MYO9A: variants seen among roughly 807,000 people sequenced by gnomAD.
MYO9A encodes the protein unconventional myosin-IXa.
In MYO9A, 103 loss-of-function variants were observed where a neutral mutation model predicts 293.3. That is an observed-to-expected ratio of 0.35 (90% CI 0.30 to 0.41). The LOEUF (loss-of-function observed/expected upper bound fraction) is 0.41, where lower values mean the gene tolerates loss of function less well. MYO9A is among the 10% of genes least tolerant of loss of function. The pLI is 1.00. For missense variants in MYO9A, 2,685 were observed against 3,033.0 expected, an observed-to-expected ratio of 0.89 and a Z score of 2.69; for synonymous variants, 1,001 against 1,035.7, an observed-to-expected ratio of 0.97 and a Z score of 0.64.
intron 25 of MYO9A, among the ~76,000 whole-genome samples, chr15:71,896,373 A>G (rs1235929930): frequency 6.6e-6 from 1 of 152,240 alleles, no homozygotes; most frequent in Non-Finnish European, 1.5e-5. Context: ...AACCAAAAGA[A>G]TCTACCAAAT....
chr15:71,956,860 AATATAT>A (rs10553052), intron 14 of MYO9A, among the ~76,000 whole-genome samples: 64 of 140,236 alleles, frequency 4.6e-4, no homozygotes, highest in East Asian at 6.1e-4. Flanking sequence ...CACACACACA[AATATAT>A]ATATATATAT....
intron 32 of MYO9A, among the ~76,000 whole-genome samples, chr15:71,872,159 C>T (rs1467290507): frequency 6.6e-6 from 1 of 151,766 alleles, no homozygotes; most frequent in Admixed American, 6.6e-5. Flanking sequence ...TGTATCAAAC[C>T]ATAATGGCAC....
At chr15:72,042,544 C>T (rs2149616308) in intron 2 of MYO9A, among the ~76,000 whole-genome samples, 1 of 152,038 alleles carries the variant, frequency 6.6e-6, no homozygotes, top group South Asian at 2.1e-4. Context: ...AAACCAACAG[C>T]TATCATTATA....
At chr15:72,107,426 G>C (rs551643536) in intron 1 of MYO9A, among the ~76,000 whole-genome samples, 1 of 152,092 alleles carries the variant, frequency 6.6e-6, no homozygotes, top group Non-Finnish European at 1.5e-5. Context: ...GCGCGCGCCT[G>C]TAATCCCAGC....
rs1235716860 is a variant in MYO9A, at chr15:71,975,805, TAC to T, written c.1844+2364_1844+2365del. Among the ~76,000 whole-genome samples, 7 of 152,296 alleles carry T rather than the reference TAC, an allele frequency of 4.6e-5. No homozygotes were observed. In the East Asian group the frequency reaches 5.8e-4, roughly 13 times the overall value. On this transcript the variant is annotated intron_variant, in intron 12 of 41. Transcript: ENST00000356056. The stretch of plus-strand genomic sequence containing the variant: ...TACTCTTTTTGTCCAATCACATTTC[TAC>T]ACAGTTGTCAGTAATGCCTATGTAA...
intron 15 of MYO9A, among the ~76,000 whole-genome samples, chr15:71,941,886 A>G (rs1241041749): frequency 1.3e-5 from 2 of 152,170 alleles, no homozygotes; most frequent in African/African-American, 4.8e-5. Context: ...ATAGTTTGTA[A>G]TGATGTTAAA....
chr15:71,979,394 A>G (rs1473747853), intron 11 of MYO9A, among the ~76,000 whole-genome samples: 1 of 152,076 alleles, frequency 6.6e-6, no homozygotes, highest in African/African-American at 2.4e-5. Context: ...TTTTATAGGC[A>G]TTACTAGAAG....
chr15:71,892,735 C>A (rs748939194), intron 26 of MYO9A: 1 of 245,656 alleles, frequency 4.1e-6, no homozygotes, highest in Non-Finnish European at 8.0e-6. Context: ...TGGAAAATTT[C>A]TACATTAGTG....
At chr15:72,040,403 T>C (rs1211173948) in intron 2 of MYO9A, 1 of 152,274 alleles carries the variant, frequency 6.6e-6, no homozygotes, top group Non-Finnish European at 1.5e-5. Context: ...TCTATGCCAT[T>C]TGCAGGGGGG....
chr15:71,955,128 CCTT>C (rs2059148569), intron 14 of MYO9A, among the ~76,000 whole-genome samples: 1 of 151,366 alleles, frequency 6.6e-6, no homozygotes, highest in Non-Finnish European at 1.5e-5. Context: ...CAATTTATTA[CCTT>C]TTTTTTTTTT....
At chr15:71,876,612 A>AT (rs1362816805) in intron 31 of MYO9A, among the ~76,000 whole-genome samples, 1 of 150,538 alleles carries the variant, frequency 6.6e-6, no homozygotes, top group Admixed American at 6.6e-5. Context: ...ATTTTTGTAT[A>AT]TTTAGTAGAG....
chr15:71,938,843 C>A lies in MYO9A; in HGVS notation c.2378+9G>T. 6.3e-7 allele frequency: 1 copy of A among 1,589,896 alleles called. No individual in the cohort carries two copies. The highest frequency in any genetic ancestry group is 8.6e-7 in the Non-Finnish European group (1 of 1,166,442). On this transcript the variant is annotated intron_variant, in intron 16 of 41. Coordinates refer to ENST00000356056, the MANE Select transcript of MYO9A (RefSeq NM_006901.4). Reference sequence around the variant, plus strand: ...TACGTCCTTGAAAACATAAACCAAACACACTTACTGTTGGTTTTTTTCATT... The same window carrying A: ...TACGTCCTTGAAAACATAAACCAAAAACACTTACTGTTGGTTTTTTTCATT...
chr15:72,104,168 A>G (rs1334390892), intron 1 of MYO9A, among the ~76,000 whole-genome samples: 1 of 152,244 alleles, frequency 6.6e-6, no homozygotes, highest in Admixed American at 6.5e-5. Flanking sequence ...AGCAGAAAGC[A>G]GCAGCTCTCA....
chr15:71,918,979 A>T (rs1686989093), intron 18 of MYO9A, among the ~76,000 whole-genome samples: 1 of 152,156 alleles, frequency 6.6e-6, no homozygotes, highest in South Asian at 2.1e-4. Context: ...CTTGGCACTG[A>T]ATTTGTAGTT....
chr15:72,034,836 G>A (rs1182277472), intron 2 of MYO9A, among the ~76,000 whole-genome samples: 2 of 152,120 alleles, frequency 1.3e-5, no homozygotes, highest in Non-Finnish European at 2.9e-5. Context: ...TTTTGATTCT[G>A]CCCAAGGCTA....
Position 72,061,933 on chromosome 15 carries a change from A to T in MYO9A, c.-71-15299T>A, listed in dbSNP as rs142168856. ...CAGGTCTGACCCAGCACAGTCCAAG[A>T]GGTGGTGGTCACGGCGGTGCTTGGG... is the stretch of plus-strand genomic sequence containing the variant. On this transcript the variant is annotated intron_variant, in intron 1 of 41. Coordinates refer to ENST00000356056, the MANE Select transcript of MYO9A (RefSeq NM_006901.4). Among the ~76,000 whole-genome samples, 1,184 of 152,338 alleles carry T rather than the reference A, an allele frequency of 7.8e-3. 18 individuals carry two copies. Among genetic ancestry groups the T allele is most frequent in the African/African-American group, 0.027 (1,126 of 41,570 alleles).
At chr15:71,872,991 CA>C (rs1196479760) in intron 32 of MYO9A, among the ~76,000 whole-genome samples, 2 of 151,936 alleles carry the variant, frequency 1.3e-5, no homozygotes, top group Non-Finnish European at 2.9e-5. Context: ...CGGCTCACTG[CA>C]ATCTCCACCT....
chr15:72,036,804 C>T (rs903914354), intron 2 of MYO9A: 5 of 152,148 alleles, frequency 3.3e-5, no homozygotes, highest in Admixed American at 2.6e-4. Flanking sequence ...AGCCTCCAAC[C>T]TCCAGGACTT....
chr15:72,064,927 T>G (rs1034537184), intron 1 of MYO9A, among the ~76,000 whole-genome samples: 1 of 152,126 alleles, frequency 6.6e-6, no homozygotes, highest in Admixed American at 6.5e-5. Flanking sequence ...ATAACAAAGT[T>G]GGAGGACTTA....
Sources: allele counts gnomAD v4.1 joint callset (sites outside exome capture counted in the v4.1 genomes callset), GRCh38; gene constraint gnomAD v4.1.1; transcripts MANE v1.5; gene names NCBI Gene and HGNC (gene_info 2026-07-23, HGNC 2026-07-21).